VAPA: variants seen among roughly 807,000 people sequenced by gnomAD.
VAPA encodes the protein vesicle-associated membrane protein-associated protein A.
A neutral mutation model predicts 25.6 loss-of-function variants in VAPA; 6 were observed. The observed-to-expected ratio is 0.23, with a 90% CI of 0.13 to 0.46. The LOEUF is 0.46. Ranked by LOEUF, VAPA falls within the 20% of genes least tolerant of loss-of-function variation. The pLI, the probability that VAPA is intolerant of heterozygous loss-of-function variation, is 0.99. For missense variants in VAPA, 244 were observed against 302.1 expected (o/e 0.81, Z 1.43); for synonymous variants, 112 against 106.2 (o/e 1.05, Z -0.34).
chr18:9,954,274 T>G lies in VAPA; in HGVS notation c.*63T>G. ...TCTCTTGACCAGAAAAAGATTTGTT[T>G]ACCTACCATTTCATTGGTAGTATGG... On this transcript the variant is annotated 3_prime_UTR_variant, in exon 6 of 6. Transcript: ENST00000400000. 6.8e-7 allele frequency: 1 copy of G among 1,465,380 alleles called. No individual in the cohort carries two copies. The highest frequency in any genetic ancestry group is 9.3e-7 in the Non-Finnish European group (1 of 1,080,078). 90.8% of individuals were successfully genotyped at this position (1,465,380 alleles called of 1,614,324 possible). A position where few individuals can be genotyped will look rare whatever the true frequency, so the allele number is the denominator to read the frequency against.
intron 5 of VAPA, among the ~76,000 whole-genome samples, chr18:9,953,426 T>C (rs1485917204): frequency 6.6e-6 from 1 of 152,246 alleles, no homozygotes; most frequent in East Asian, 1.9e-4. Context: ...AGCCCTCTGC[T>C]TTGCTTTGAG....
chr18:9,957,577 G>A lies in VAPA; in HGVS notation c.*3366G>A, dbSNP rs966495206. On this transcript the variant is annotated 3_prime_UTR_variant, in exon 6 of 6. Coordinates refer to ENST00000400000, the MANE Select transcript of VAPA (RefSeq NM_194434.3). ...GATTTTAAAAATTTCACCTTTATTCGAGGGAAGGATCAATGCTTATTACCA... is the reference window on the plus strand; with the variant it reads ...GATTTTAAAAATTTCACCTTTATTCAAGGGAAGGATCAATGCTTATTACCA... 2 of 151,760 alleles carry A rather than the reference G, an allele frequency of 1.3e-5. No homozygotes were observed. Among genetic ancestry groups the A allele is most frequent in the Non-Finnish European group, 2.9e-5 (2 of 68,028 alleles). 9.4% of individuals were successfully genotyped at this position (151,760 alleles called of 1,614,324 possible).
chr18:9,948,276 C>T (rs1042668754), intron 4 of VAPA: 1 of 152,054 alleles, frequency 6.6e-6, no homozygotes, highest in Non-Finnish European at 1.5e-5. Flanking sequence ...GGAATGTCTT[C>T]CTATGGACAT....
intron 4 of VAPA, among the ~76,000 whole-genome samples, chr18:9,938,305 C>T (rs1257012923): frequency 2.0e-5 from 3 of 152,170 alleles, no homozygotes; most frequent in Admixed American, 6.5e-5. Flanking sequence ...CTGGATAGCA[C>T]ACACTTTGAG....
rs900332416 is a variant in VAPA, at chr18:9,954,048, T to TC, written c.592-4dup. 6.2e-6 allele frequency: 10 copies of TC among 1,613,128 alleles called. No homozygotes were observed. The highest frequency in any genetic ancestry group is 3.3e-4 in the Middle Eastern group (2 of 6,032). On this transcript the variant is annotated splice_polypyrimidine_tract_variant and splice_region_variant and intron_variant, in intron 5 of 5. Transcript: ENST00000400000. ...AAACCTTTTGTGTGTGTGTTTTTTT[T>TC]CTAGGATGAAGGTTTAAGGCTCAGA...
intron 5 of VAPA, among the ~76,000 whole-genome samples, chr18:9,952,791 G>A (rs616898): frequency 0.55 from 84,119 of 151,860 alleles, 24,046 homozygotes; most frequent in African/African-American, 0.67. Flanking sequence ...GACCTAATGA[G>A]TCACAATCAC....
chr18:9,934,201 C>T (rs1161283258), intron 2 of VAPA, among the ~76,000 whole-genome samples: 1 of 152,210 alleles, frequency 6.6e-6, no homozygotes, highest in Non-Finnish European at 1.5e-5. Flanking sequence ...ACTACATGCT[C>T]ATTTCTCTTT....
At chr18:9,949,836 T>C (rs1400932002) in intron 4 of VAPA, 2 of 153,378 alleles carry the variant, frequency 1.3e-5, no homozygotes, top group Non-Finnish European at 2.9e-5. Flanking sequence ...TAAGTGCTCC[T>C]GTGATGTTGA....
chr18:9,950,268 CAT>C, intron 4 of VAPA, 125 bp from the exon 5 acceptor site: 1 of 929,932 alleles, frequency 1.1e-6, no homozygotes, highest in Non-Finnish European at 1.6e-6. Flanking sequence ...TGACTGCTGA[CAT>C]GTACTGATTT....
Position 9,956,131 on chromosome 18 carries a change from G to T in VAPA, c.*1920G>T, listed in dbSNP as rs1447980742. ...TGCTCTTTAGAATTCATTTTGTTCA[G>T]CCCCTTTGTTCTATGGTTGAGAAAT... is the stretch of plus-strand genomic sequence containing the variant. On this transcript the variant is annotated 3_prime_UTR_variant, in exon 6 of 6. Coordinates refer to ENST00000400000, the MANE Select transcript of VAPA (RefSeq NM_194434.3). 6.6e-6 allele frequency: 1 copy of T among 152,074 alleles called. No homozygotes were observed. The highest frequency in any genetic ancestry group is 1.9e-4 in the East Asian group (1 of 5,196). 9.4% of individuals were successfully genotyped at this position (152,074 alleles called of 1,614,324 possible). A position where few individuals can be genotyped will look rare whatever the true frequency, so the allele number is the denominator to read the frequency against.
chr18:9,942,912 G>A (rs1044028777), intron 4 of VAPA, among the ~76,000 whole-genome samples: 2 of 152,124 alleles, frequency 1.3e-5, no homozygotes, highest in Admixed American at 6.5e-5. Context: ...GGGATTTGCC[G>A]GGGGACACAG....
intron 5 of VAPA, chr18:9,951,424 T>A (rs903542165): frequency 6.6e-6 from 1 of 152,278 alleles, no homozygotes; most frequent in African/African-American, 2.4e-5. Context: ...TCTACTGCTC[T>A]TACTTGTTAG....
At chr18:9,916,039 T>C (rs1317844210) in intron 1 of VAPA, among the ~76,000 whole-genome samples, 1 of 152,210 alleles carries the variant, frequency 6.6e-6, no homozygotes, top group Non-Finnish European at 1.5e-5. Context: ...ACAGTGAACA[T>C]TTCCTCTACT....
intron 2 of VAPA, 87 bp downstream of exon 2, chr18:9,932,049 G>T: frequency 1.1e-6 from 1 of 944,420 alleles, no homozygotes; most frequent in South Asian, 1.8e-5. Flanking sequence ...CATCTGGAGG[G>T]AGGGAAATAA....
At chr18:9,924,639 T>C (rs898173633) in intron 1 of VAPA, among the ~76,000 whole-genome samples, 17 of 152,214 alleles carry the variant, frequency 1.1e-4, no homozygotes, top group Non-Finnish European at 2.4e-4. Context: ...TCAATAAAGC[T>C]GTGATGGGTT....
intron 4 of VAPA, among the ~76,000 whole-genome samples, chr18:9,942,597 T>C (rs1275570971): frequency 6.6e-6 from 1 of 152,198 alleles, no homozygotes; most frequent in African/African-American, 2.4e-5. Flanking sequence ...AGAGGTTTAA[T>C]TGGCTTACAG....
chr18:9,930,387 A>G (rs1358265261), intron 1 of VAPA, among the ~76,000 whole-genome samples: 3 of 152,154 alleles, frequency 2.0e-5, no homozygotes, highest in African/African-American at 7.2e-5. Context: ...GTTTGTAGTA[A>G]TTATGGGTTT....
intron 5 of VAPA, among the ~76,000 whole-genome samples, chr18:9,951,816 G>T (rs115150875): frequency 0.011 from 1,696 of 152,282 alleles, 29 homozygotes; most frequent in African/African-American, 0.038. Context: ...GTCGATCTGT[G>T]AACTCCTTTG....
chr18:9,944,810 A>G, intron 4 of VAPA: 3 of 1,280,288 alleles, frequency 2.3e-6, no homozygotes, highest in Non-Finnish European at 3.2e-6. Context: ...ATGCATTTTT[A>G]TAAAGTGTTA....
Sources: gnomAD v4.1 joint callset for allele counts (sites outside exome capture counted in the v4.1 genomes callset) on GRCh38, gnomAD v4.1.1 for gene constraint, MANE v1.5 for transcripts, NCBI Gene and HGNC (gene_info 2026-07-23, HGNC 2026-07-21) for gene names.